RGS6: variants seen among roughly 807,000 people sequenced by gnomAD.
The protein encoded by RGS6 is regulator of G-protein signaling 6.
Under a neutral mutation model 78.5 loss-of-function variants are expected in RGS6, and 30 were observed. That is an observed-to-expected ratio of 0.38 (90% CI 0.29 to 0.52). The LOEUF (loss-of-function observed/expected upper bound fraction) is 0.52. RGS6 is among the 20% of genes least tolerant of loss of function. The probability of loss-of-function intolerance (pLI) is 0.85; values close to 1 mark genes in which losing one functional copy is unlikely to be tolerated. For missense variants in RGS6, 495 were observed against 609.7 expected (o/e 0.81, Z 1.98); for synonymous variants, 206 against 206.0 (o/e 1.00, Z 0.00).
At position 72,397,208 on chromosome 14, in the gene RGS6, A is replaced by G. The variant is rs940182678; in HGVS notation, c.184+45014A>G. Among the ~76,000 whole-genome samples the G allele has an allele frequency of 4.6e-5, 7 of 152,162 alleles. No homozygotes were observed. The East Asian group carries it at 1.4e-3, about 29-fold the overall frequency. ...GAGCATGGAATGTTCTTCCATTTGTATCCTCTTTTATTTCATTTAGTAGTG... is the reference window on the plus strand; with the variant it reads ...GAGCATGGAATGTTCTTCCATTTGTGTCCTCTTTTATTTCATTTAGTAGTG... On this transcript the variant is annotated intron_variant, in intron 3 of 17. Transcript: ENST00000553525.
intron 14 of RGS6, among the ~76,000 whole-genome samples, chr14:72,515,308 TA>T (rs141789278): frequency 6.6e-6 from 1 of 151,922 alleles, no homozygotes; most frequent in African/African-American, 2.4e-5. Flanking sequence ...CACTTGTACT[TA>T]AAAAAATTCT....
intron 2 of RGS6, among the ~76,000 whole-genome samples, chr14:72,052,496 C>T (rs2093309761): frequency 6.6e-6 from 1 of 152,182 alleles, no homozygotes; most frequent in African/African-American, 2.4e-5. Context: ...AAGCCTCTTT[C>T]TGGATCTACT....
chr14:71,992,147 T>C (rs908781817), intron 2 of RGS6, among the ~76,000 whole-genome samples: 2 of 151,976 alleles, frequency 1.3e-5, no homozygotes, highest in African/African-American at 4.8e-5. Context: ...TCTCCTGCCT[T>C]AGCCTCCTGA....
At chr14:72,136,546 C>T (rs1598206918) in intron 2 of RGS6, among the ~76,000 whole-genome samples, 2 of 152,008 alleles carry the variant, frequency 1.3e-5, no homozygotes, top group South Asian at 4.2e-4. Context: ...AGGAGAAACC[C>T]CTTATAAAAC....
chr14:72,097,183 T>G (rs2095426139), intron 2 of RGS6, among the ~76,000 whole-genome samples: 1 of 152,210 alleles, frequency 6.6e-6, no homozygotes, highest in Non-Finnish European at 1.5e-5. Context: ...ATATTAATAG[T>G]TACAAACAAA....
intron 2 of RGS6, among the ~76,000 whole-genome samples, chr14:72,258,669 A>G (rs574505601): frequency 6.6e-6 from 1 of 152,330 alleles, no homozygotes; most frequent in African/African-American, 2.4e-5. Flanking sequence ...TTAATTTTCT[A>G]GAGCCTCTGT....
chr14:71,904,052 C>T, the RGS6 span, among the ~76,000 whole-genome samples: 1 of 152,158 alleles, frequency 6.6e-6, no homozygotes, highest in Non-Finnish European at 1.5e-5. Flanking sequence ...TGAATACTAA[C>T]TGATAGAAAC....
chr14:72,098,336 G>C (rs2095453095), intron 2 of RGS6, among the ~76,000 whole-genome samples: 1 of 152,190 alleles, frequency 6.6e-6, no homozygotes, highest in Non-Finnish European at 1.5e-5. Flanking sequence ...TCCTGTCCTT[G>C]CTTTTTCTCT....
At chr14:72,109,966 C>T (rs2095716599) in intron 2 of RGS6, among the ~76,000 whole-genome samples, 1 of 152,196 alleles carries the variant, frequency 6.6e-6, no homozygotes, top group African/African-American at 2.4e-5. Flanking sequence ...TATTCAATCT[C>T]ATTACTAAGT....
At chr14:72,326,942 C>T (rs926029824) in intron 2 of RGS6, among the ~76,000 whole-genome samples, 8 of 152,192 alleles carry the variant, frequency 5.3e-5, no homozygotes, top group African/African-American at 1.7e-4. Flanking sequence ...CTCCTGACCT[C>T]GTGATCTGCC....
intron 3 of RGS6, among the ~76,000 whole-genome samples, chr14:72,399,601 A>G (rs1323231122): frequency 1.3e-5 from 2 of 152,154 alleles, no homozygotes; most frequent in Non-Finnish European, 2.9e-5. Context: ...TTTGCTCGTT[A>G]GTTGATGCAG....
chr14:72,042,571 T>C (rs2092514504), intron 2 of RGS6, among the ~76,000 whole-genome samples: 1 of 152,214 alleles, frequency 6.6e-6, no homozygotes, highest in Admixed American at 6.5e-5. Flanking sequence ...TATAATGTAT[T>C]CAAAATTATG....
At chr14:72,479,456 C>A (rs1293890504) in intron 12 of RGS6, among the ~76,000 whole-genome samples, 1 of 152,150 alleles carries the variant, frequency 6.6e-6, no homozygotes, top group Admixed American at 6.5e-5. Flanking sequence ...CATTAGAGGC[C>A]AGTAGTCCCC....
intron 2 of RGS6, among the ~76,000 whole-genome samples, chr14:72,343,402 G>A (rs1405189791): frequency 6.6e-6 from 1 of 152,116 alleles, no homozygotes; most frequent in Non-Finnish European, 1.5e-5. Flanking sequence ...ACTATAGCTG[G>A]GAAAGGTCTT....
chr14:72,611,603 C>T, the RGS6 span, among the ~76,000 whole-genome samples: 1 of 152,156 alleles, frequency 6.6e-6, no homozygotes, highest in East Asian at 1.9e-4. Context: ...CTGCCAGTTG[C>T]ACCTCCCTGC....
At chr14:72,263,150 G>A (rs2058463615) in intron 2 of RGS6, among the ~76,000 whole-genome samples, 1 of 152,260 alleles carries the variant, frequency 6.6e-6, no homozygotes, top group Non-Finnish European at 1.5e-5. Context: ...AAACTGTAAG[G>A]CATGTCCACA....
chr14:72,224,565 CTTA>C lies in RGS6; in HGVS notation c.85-127525_85-127523del, dbSNP rs538344521. ...GGTACATAAAATAATTTTAGTACTT[CTTA>C]TTATATATACAAGAATCATGGATAT... is the stretch of plus-strand genomic sequence containing the variant. On this transcript the variant is annotated intron_variant, in intron 2 of 17. Transcript: ENST00000553525. Among the ~76,000 whole-genome samples the C allele has an allele frequency of 2.0e-4, 30 of 151,732 alleles. No individual in the cohort carries two copies. In the South Asian group the frequency reaches 5.6e-3, roughly 28 times the overall value.
chr14:71,869,129 G>T, the RGS6 span, among the ~76,000 whole-genome samples: 1 of 152,186 alleles, frequency 6.6e-6, no homozygotes, highest in Admixed American at 6.5e-5. Context: ...TTTGCCTCGA[G>T]CTCTGCTTCT....
chr14:72,629,578 C>T, the RGS6 span: 1 of 1,498,258 alleles, frequency 6.7e-7, no homozygotes, highest in Non-Finnish European at 9.0e-7. Context: ...CAAAGGACCC[C>T]AGCTCTGTGG....
Sources: allele counts gnomAD v4.1 joint callset (sites outside exome capture counted in the v4.1 genomes callset), GRCh38; gene constraint gnomAD v4.1.1; transcripts MANE v1.5; gene names NCBI Gene and HGNC (gene_info 2026-07-23, HGNC 2026-07-21).